Variants in WDR48 observed in about 807,000 individuals in gnomAD.
The protein encoded by WDR48 is WD repeat domain 48.
A neutral mutation model predicts 94.0 loss-of-function variants in WDR48; 22 were observed. That is an observed-to-expected ratio of 0.23 (90% CI 0.17 to 0.33). The LOEUF is 0.33. Ranked by LOEUF, WDR48 falls within the 10% of genes least tolerant of loss-of-function variation. The pLI is 1.00. For missense variants in WDR48, 541 were observed against 813.8 expected (o/e 0.66, Z 4.08); for synonymous variants, 278 against 280.5 (o/e 0.99, Z 0.09).
intron 18 of WDR48, chr3:39,094,341 A>G: frequency 7.0e-7 from 1 of 1,426,478 alleles, no homozygotes; most frequent in Non-Finnish European, 9.1e-7. Context: ...TGCCATGTTT[A>G]TGATTTAGAG....
At chr3:39,058,215 A>C (rs542624969) in intron 1 of WDR48, among the ~76,000 whole-genome samples, 1 of 151,928 alleles carries the variant, frequency 6.6e-6, no homozygotes, top group African/African-American at 2.4e-5. Context: ...TTCCCACCTC[A>C]GCCTCCTAAA....
intron 1 of WDR48, among the ~76,000 whole-genome samples, chr3:39,055,059 G>A (rs1328845956): frequency 6.6e-6 from 1 of 152,148 alleles, no homozygotes; most frequent in African/African-American, 2.4e-5. Context: ...TTCTCATCTT[G>A]GAAAAAGCAT....
intron 8 of WDR48, among the ~76,000 whole-genome samples, chr3:39,076,634 A>T (rs1439116023): frequency 6.6e-6 from 1 of 152,214 alleles, no homozygotes; most frequent in Non-Finnish European, 1.5e-5. Flanking sequence ...CATGCACATA[A>T]ACATATTCTT....
At chr3:39,068,544 AC>A (rs1368192451) in intron 5 of WDR48, among the ~76,000 whole-genome samples, 1 of 152,242 alleles carries the variant, frequency 6.6e-6, no homozygotes, top group Non-Finnish European at 1.5e-5. Flanking sequence ...TTTCAATGGC[AC>A]TGCAGTTTAT....
At chr3:39,093,543 C>T (rs1297878089) in intron 17 of WDR48, among the ~76,000 whole-genome samples, 1 of 152,104 alleles carries the variant, frequency 6.6e-6, no homozygotes, top group Non-Finnish European at 1.5e-5. Context: ...TGTTGGTTAG[C>T]CAGGCTGGTC....
intron 13 of WDR48, among the ~76,000 whole-genome samples, chr3:39,084,956 A>C (rs2034733258): frequency 6.6e-6 from 1 of 152,230 alleles, no homozygotes; most frequent in South Asian, 2.1e-4. Flanking sequence ...GGCCAGGCGC[A>C]GTGGCTCACA....
intron 1 of WDR48, chr3:39,052,326 C>T (rs1559589516): frequency 4.0e-6 from 2 of 497,426 alleles, no homozygotes; most frequent in Non-Finnish European, 7.2e-6. Flanking sequence ...TTGCTTGTCG[C>T]CGCTCTTCTG....
Position 39,068,877 on chromosome 3 carries a change from T to G in WDR48, c.570+18T>G. ...CTGAAAAGGTAAGGAGGAGCTTATTTCTTTATTTAAAAAAAAAAATTATTT... is the reference window on the plus strand; with the variant it reads ...CTGAAAAGGTAAGGAGGAGCTTATTGCTTTATTTAAAAAAAAAAATTATTT... On this transcript the variant is annotated intron_variant, in intron 6 of 18. Transcript: ENST00000302313. 1 of 1,533,426 alleles carries G rather than the reference T, an allele frequency of 6.5e-7. No individual in the cohort carries two copies. Among genetic ancestry groups the G allele is most frequent in the South Asian group, 1.3e-5 (1 of 78,608 alleles). The allele number at this position is 1,533,426 out of a possible 1,614,324, so 95.0% of individuals were successfully genotyped here.
At chr3:39,086,118 A>AG (rs530769080) in intron 14 of WDR48, among the ~76,000 whole-genome samples, 216 of 152,354 alleles carry the variant, frequency 1.4e-3, no homozygotes, top group African/African-American at 5.1e-3. Context: ...CATATGCTCA[A>AG]GCATGTGTAA....
At chr3:39,083,720 G>A (rs1256266990) in intron 11 of WDR48, among the ~76,000 whole-genome samples, 6 of 152,280 alleles carry the variant, frequency 3.9e-5, no homozygotes, top group East Asian at 3.9e-4. Context: ...AAGGAAAGGT[G>A]TACCGTTTAC....
intron 1 of WDR48, among the ~76,000 whole-genome samples, chr3:39,053,291 T>C (rs2032602010): frequency 6.6e-6 from 1 of 152,066 alleles, no homozygotes; most frequent in Non-Finnish European, 1.5e-5. Flanking sequence ...CAGATAAAGG[T>C]AGTTAGATGA....
chr3:39,094,465 A>T, intron 18 of WDR48, 183 bp from the exon 19 acceptor site: 1 of 1,534,198 alleles, frequency 6.5e-7, no homozygotes, highest in Non-Finnish European at 8.7e-7. Flanking sequence ...GTCACAAAAG[A>T]TGTACATCTC....
chr3:39,056,613 T>A (rs1037473107), intron 1 of WDR48, among the ~76,000 whole-genome samples: 1 of 152,174 alleles, frequency 6.6e-6, no homozygotes, highest in Non-Finnish European at 1.5e-5. Context: ...TGAAACAGAA[T>A]GGCATTGAAA....
chr3:39,062,968 T>G, intron 1 of WDR48, 82 bp from the exon 2 acceptor site: 1 of 1,515,798 alleles, frequency 6.6e-7, no homozygotes, highest in Non-Finnish European at 8.9e-7. Flanking sequence ...GATTTTCTGT[T>G]TCAGATTGGC....
intron 2 of WDR48, among the ~76,000 whole-genome samples, chr3:39,064,299 AG>A (rs1416137905): frequency 1.4e-5 from 2 of 138,548 alleles, no homozygotes; most frequent in Non-Finnish European, 3.1e-5. Flanking sequence ...TTTGAGATGG[AG>A]TCTCGCTCTG....
chr3:39,085,428 C>T (rs1185524884), intron 13 of WDR48, 87 bp from the exon 14 acceptor site: 65 of 1,086,280 alleles, frequency 6.0e-5, no homozygotes, highest in East Asian at 2.1e-4. Context: ...AGAATATGTA[C>T]AAACTTACAA....
At chr3:39,065,118 T>C (rs1317134678) in intron 2 of WDR48, among the ~76,000 whole-genome samples, 1 of 152,186 alleles carries the variant, frequency 6.6e-6, no homozygotes, top group Non-Finnish European at 1.5e-5. Context: ...TTGCCTGTTT[T>C]AGGTGTAGGA....
chr3:39,071,591 A>G (rs1320244536), intron 7 of WDR48, among the ~76,000 whole-genome samples: 3 of 152,378 alleles, frequency 2.0e-5, no homozygotes, highest in Non-Finnish European at 4.4e-5. Context: ...TCACGTGTAC[A>G]GTTAGAAATG....
chr3:39,057,482 T>TG (rs2032970838), intron 1 of WDR48, among the ~76,000 whole-genome samples: 1 of 152,210 alleles, frequency 6.6e-6, no homozygotes, highest in South Asian at 2.1e-4. Context: ...AGGAATTACT[T>TG]GGATAACAAA....
Sources: gnomAD v4.1 joint callset for allele counts (sites outside exome capture counted in the v4.1 genomes callset) on GRCh38, gnomAD v4.1.1 for gene constraint, MANE v1.5 for transcripts, NCBI Gene and HGNC (gene_info 2026-07-23, HGNC 2026-07-21) for gene names.